KHDRBS2: variants seen among roughly 807,000 people sequenced by gnomAD.
The protein encoded by KHDRBS2 is KH domain-containing, RNA-binding, signal transduction-associated protein 2.
KHDRBS2 carries 26 observed loss-of-function variants against 44.3 expected under a neutral mutation model. That is an observed-to-expected ratio of 0.59 (90% CI 0.43 to 0.81). The LOEUF (loss-of-function observed/expected upper bound fraction) is 0.81. Ranked by LOEUF, KHDRBS2 falls within the 40% of genes least tolerant of loss-of-function variation. KHDRBS2 has a pLI of 0.00. For missense variants in KHDRBS2, 476 were observed against 433.1 expected (o/e 1.10, Z -0.88); for synonymous variants, 194 against 151.1 (o/e 1.28, Z -2.08).
At chr6:61,674,291 C>T in the KHDRBS2 span, among the ~76,000 whole-genome samples, 3 of 151,726 alleles carry the variant, frequency 2.0e-5, no homozygotes, top group African/African-American at 7.3e-5. Context: ...CTTCATATTG[C>T]TGCAGAACAG....
At chr6:61,978,317 A>C in intron 3 of KHDRBS2, 105 bp from the exon 4 acceptor site, 1 of 804,352 alleles carries the variant, frequency 1.2e-6, no homozygotes, top group Admixed American at 3.6e-5. Context: ...AATTTTCCAT[A>C]ATTTGCTTCC....
At chr6:62,192,215 G>A (rs142645717) in intron 1 of KHDRBS2, among the ~76,000 whole-genome samples, 8 of 151,632 alleles carry the variant, frequency 5.3e-5, no homozygotes, top group Admixed American at 3.3e-4. Context: ...TTATTAATTG[G>A]GAACAACCTG....
chr6:61,727,624 G>A (rs1291154181), intron 7 of KHDRBS2, among the ~76,000 whole-genome samples: 2 of 152,066 alleles, frequency 1.3e-5, no homozygotes, highest in African/African-American at 4.8e-5. Flanking sequence ...ACTGGGCAAA[G>A]GACCTGAACA....
chr6:62,068,229 T>C (rs1794201993), intron 2 of KHDRBS2, among the ~76,000 whole-genome samples: 2 of 151,752 alleles, frequency 1.3e-5, no homozygotes, highest in Admixed American at 6.6e-5. Context: ...GTAATCATCC[T>C]AGTGGGTGTG....
chr6:62,270,284 TCTCTCTCTCTCTCTCTC>T (rs1459163715), intron 1 of KHDRBS2, among the ~76,000 whole-genome samples: 12 of 143,450 alleles, frequency 8.4e-5, no homozygotes, highest in East Asian at 4.2e-4. Context: ...CCCATCTCTC[TCTCTCTCTCTCTCTCTC>T]CTCTCTCTCT....
At chr6:61,545,208 G>A in the KHDRBS2 span, among the ~76,000 whole-genome samples, 17 of 152,148 alleles carry the variant, frequency 1.1e-4, no homozygotes, top group Non-Finnish European at 2.2e-4. Flanking sequence ...TACTTTGGGT[G>A]GCTGAGGTGG....
At chr6:62,052,852 G>A (rs760398514) in intron 2 of KHDRBS2, among the ~76,000 whole-genome samples, 26 of 151,888 alleles carry the variant, frequency 1.7e-4, no homozygotes, top group Non-Finnish European at 3.1e-4. Flanking sequence ...CCTGCTATGC[G>A]GCCTGGTTCC....
At chr6:62,088,418 TG>T (rs1020083113) in intron 2 of KHDRBS2, among the ~76,000 whole-genome samples, 3 of 152,218 alleles carry the variant, frequency 2.0e-5, no homozygotes, top group African/African-American at 7.2e-5. Context: ...GTGATGCTAT[TG>T]TTTTCTGTTT....
chr6:61,757,710 A>G lies in KHDRBS2; in HGVS notation c.811-24946T>C, dbSNP rs117155320. Among the ~76,000 whole-genome samples the G allele has an allele frequency of 6.3e-4, 95 of 151,980 alleles. 3 individuals carry two copies. The East Asian group carries it at 0.015, about 23-fold the overall frequency. On this transcript the variant is annotated intron_variant, in intron 6 of 8. Coordinates refer to ENST00000281156, the MANE Select transcript of KHDRBS2 (RefSeq NM_152688.4). ...CTCAATATTTTTGTGATTCAATTTT[A>G]TCTTCTTTATTGTCTATTTTTCCTT...
At chr6:61,600,251 A>G in the KHDRBS2 span, among the ~76,000 whole-genome samples, 7 of 152,278 alleles carry the variant, frequency 4.6e-5, no homozygotes, top group East Asian at 1.9e-4. Flanking sequence ...ACATCCAGAT[A>G]GCCTGAAGTA....
intron 1 of KHDRBS2, among the ~76,000 whole-genome samples, chr6:62,233,782 C>T (rs1007765806): frequency 2.6e-5 from 4 of 152,014 alleles, no homozygotes; most frequent in African/African-American, 9.7e-5. Context: ...GCATAATGGC[C>T]TCTAGCTCCA....
chr6:61,653,613 CAGAGAG>C, the KHDRBS2 span, among the ~76,000 whole-genome samples: 3,915 of 148,304 alleles, frequency 0.026, 64 homozygotes, highest in Middle Eastern at 0.075. Flanking sequence ...AACTGAGAGA[CAGAGAG>C]AGAGAGAGAG....
chr6:61,939,260 C>T lies in KHDRBS2; in HGVS notation c.484-37889G>A, dbSNP rs1275795565. ...CATGCTTAACATAGTTATGTATAGACACATTCAAGTATTCAGTCGATTTGG... is the reference window on the plus strand; with the variant it reads ...CATGCTTAACATAGTTATGTATAGATACATTCAAGTATTCAGTCGATTTGG... On this transcript the variant is annotated intron_variant, in intron 4 of 8. Transcript: ENST00000281156. Among the ~76,000 whole-genome samples the T allele has an allele frequency of 2.0e-5, 3 of 152,084 alleles. No homozygotes were observed. In the East Asian group the frequency reaches 5.8e-4, roughly 29 times the overall value.
At chr6:62,121,465 A>C (rs996026293) in intron 2 of KHDRBS2, among the ~76,000 whole-genome samples, 1 of 152,218 alleles carries the variant, frequency 6.6e-6, no homozygotes, top group African/African-American at 2.4e-5. Flanking sequence ...GGTGACTCCA[A>C]GTGAAGCTAC....
At chr6:61,549,646 C>T in the KHDRBS2 span, among the ~76,000 whole-genome samples, 49 of 152,084 alleles carry the variant, frequency 3.2e-4, no homozygotes, top group Non-Finnish European at 6.2e-4. Flanking sequence ...ACAGAAATAA[C>T]TACTAGTTGG....
intron 3 of KHDRBS2, among the ~76,000 whole-genome samples, chr6:62,001,892 A>C (rs965234892): frequency 1.6e-4 from 24 of 152,256 alleles, no homozygotes; most frequent in Non-Finnish European, 2.9e-4. Flanking sequence ...GAAGAGGATT[A>C]TCTTGCATGG....
chr6:61,802,273 G>C (rs1198453316), intron 6 of KHDRBS2, among the ~76,000 whole-genome samples: 5 of 152,086 alleles, frequency 3.3e-5, no homozygotes, highest in African/African-American at 1.2e-4. Context: ...CTGGACTTCT[G>C]ACTTACAGAA....
chr6:61,940,483 G>A (rs911787119), intron 4 of KHDRBS2, among the ~76,000 whole-genome samples: 2 of 152,054 alleles, frequency 1.3e-5, no homozygotes, highest in African/African-American at 4.8e-5. Context: ...GGGAGTGGAG[G>A]GTGGTTGTGC....
intron 6 of KHDRBS2, among the ~76,000 whole-genome samples, chr6:61,744,181 T>C (rs1776558461): frequency 6.6e-6 from 1 of 152,054 alleles, no homozygotes. Flanking sequence ...GTGTCATGGA[T>C]GCTGGCAGAA....
Sources: gnomAD v4.1 joint callset for allele counts (sites outside exome capture counted in the v4.1 genomes callset) on GRCh38, gnomAD v4.1.1 for gene constraint, MANE v1.5 for transcripts, NCBI Gene and HGNC (gene_info 2026-07-23, HGNC 2026-07-21) for gene names.